PRUNE1: variants seen among roughly 807,000 people sequenced by gnomAD.
PRUNE1 encodes the protein exopolyphosphatase PRUNE1.
In PRUNE1, 25 loss-of-function variants were observed where a neutral mutation model predicts 42.5. The observed-to-expected ratio is 0.59, with a 90% CI of 0.43 to 0.82. The LOEUF (loss-of-function observed/expected upper bound fraction) is 0.82. Among genes scored for constraint, PRUNE1 ranks in the 40% least tolerant of loss-of-function variants. PRUNE1 has a pLI of 0.00. For synonymous variants in PRUNE1, 203 were observed against 217.1 expected (o/e 0.93, Z 0.57); for missense variants, 443 against 539.3 (o/e 0.82, Z 1.77).
chr1:151,008,749 C>T, intron 1 of PRUNE1, 78 bp downstream of exon 1: 1 of 1,551,032 alleles, frequency 6.4e-7, no homozygotes, highest in Non-Finnish European at 8.9e-7. Context: ...TCTGGGGGAG[C>T]CTCGACGGTC....
At position 151,008,518 on chromosome 1, in the gene PRUNE1, T is replaced by C; in HGVS notation, c.-115T>C. On this transcript the variant is annotated 5_prime_UTR_variant, in exon 1 of 8. Transcript: ENST00000271620. ...TGTGGCGGGTTCGAGTCCCGCCTCC[T>C]GACTCTGGCCTCTAGTCCCTGAGTC... is the stretch of plus-strand genomic sequence containing the variant. The C allele has an allele frequency of 7.2e-7, 1 of 1,388,906 alleles. No individual in the cohort carries two copies. The highest frequency in any genetic ancestry group is 1.0e-6 in the Non-Finnish European group (1 of 978,360). The allele number at this position is 1,388,906 out of a possible 1,614,324, so 86.0% of individuals were successfully genotyped here.
Position 151,024,757 on chromosome 1 carries a change from C to G in PRUNE1, c.482C>G (p.Pro161Arg). ...ACCGAGAGAATCCTGCAGGGGGCAC[C>G]AGAGATCTTGGACAGGCAAACTGCA... is the stretch of plus-strand genomic sequence containing the variant. ...LVTERILQGA[P>R]EILDRQTAAL... The change falls in exon 4 of 8, where the codon CCA becomes CGA. Residue 161 changes from proline to arginine, a missense_variant. Transcript: ENST00000271620. The G allele has an allele frequency of 6.2e-7, 1 of 1,613,896 alleles. No individual in the cohort carries two copies. The highest frequency in any genetic ancestry group is 1.3e-5 in the African/African-American group (1 of 75,004).
intron 7 of PRUNE1, among the ~76,000 whole-genome samples, chr1:151,030,816 G>A (rs587715762): frequency 1.8e-4 from 28 of 152,264 alleles, no homozygotes; most frequent in South Asian, 6.2e-4. Flanking sequence ...TCAGGTAGAT[G>A]TGCTTTTCTG....
Position 151,008,457 on chromosome 1 carries a change from A to C in PRUNE1, c.-176A>C. 1 of 1,096,666 alleles carries C rather than the reference A, an allele frequency of 9.1e-7. No individual in the cohort carries two copies. The highest frequency in any genetic ancestry group is 1.3e-6 in the Non-Finnish European group (1 of 749,728). The allele number at this position is 1,096,666 out of a possible 1,614,324, so 67.9% of individuals were successfully genotyped here. ...ACGCCGGACTCCGGAGCGCCCGCTT[A>C]CGCAGTTCCTCCCGGGGTCGGAGGC... On this transcript the variant is annotated 5_prime_UTR_variant, in exon 1 of 8. Coordinates refer to ENST00000271620, the MANE Select transcript of PRUNE1 (RefSeq NM_021222.3).
intron 3 of PRUNE1, among the ~76,000 whole-genome samples, chr1:151,020,243 T>A (rs1429875623): frequency 6.8e-6 from 1 of 147,914 alleles, no homozygotes; most frequent in Non-Finnish European, 1.5e-5. Context: ...TAAAAAAAAA[T>A]AATAAATACA....
intron 1 of PRUNE1, among the ~76,000 whole-genome samples, chr1:151,013,082 G>C (rs1421134851): frequency 6.6e-6 from 1 of 152,122 alleles, no homozygotes; most frequent in Non-Finnish European, 1.5e-5. Flanking sequence ...TTTTATATGA[G>C]GAAAATGAGG....
chr1:151,023,035 T>C (rs1266526508), intron 3 of PRUNE1, among the ~76,000 whole-genome samples: 2 of 152,004 alleles, frequency 1.3e-5, no homozygotes, highest in Non-Finnish European at 2.9e-5. Flanking sequence ...AGCATAAAAT[T>C]TGAGGGAGAA....
chr1:151,017,932 T>C (rs1447908163), intron 2 of PRUNE1, 28 bp downstream of exon 2: 2 of 1,455,414 alleles, frequency 1.4e-6, no homozygotes, highest in African/African-American at 2.8e-5. Context: ...GTACCTAGGA[T>C]CTGAGTCCCT....
Position 151,034,143 on chromosome 1 carries a change from G to A in PRUNE1, c.1271G>A (p.Gly424Glu). 6.2e-7 allele frequency: 1 copy of A among 1,614,142 alleles called. No individual in the cohort carries two copies. The change falls in exon 8 of 8, where the codon GGG becomes GAG. Residue 424 changes from glycine (G) to glutamate (E), a missense_variant. By Grantham distance (98) the Gly-to-Glu change is moderately conservative. Transcript: ENST00000271620. Reference protein sequence around the residue: ...SLVDECPLDQGLPKLSAEAVF... With the variant: ...SLVDECPLDQELPKLSAEAVF... ...GTGGATGAGTGCCCTCTAGATCAGG[G>A]GCTGCCTAAACTCTCTGCTGAGGCC...
At chr1:151,030,479 A>T (rs1675176453) in intron 7 of PRUNE1, among the ~76,000 whole-genome samples, 1 of 151,914 alleles carries the variant, frequency 6.6e-6, no homozygotes, top group African/African-American at 2.4e-5. Context: ...TATGAAAAGA[A>T]CTGCAGTTTT....
At chr1:151,029,517 G>T (rs910364144) in intron 7 of PRUNE1, among the ~76,000 whole-genome samples, 2 of 151,466 alleles carry the variant, frequency 1.3e-5, no homozygotes, top group African/African-American at 4.8e-5. Flanking sequence ...ACAGGCGCCC[G>T]CCACCACGCC....
Position 151,024,700 on chromosome 1 carries a change from T to G in PRUNE1, c.425T>G (p.Val142Gly). The G allele has an allele frequency of 6.2e-7, 1 of 1,614,112 alleles. No individual in the cohort carries two copies. Among genetic ancestry groups the G allele is most frequent in the Non-Finnish European group, 8.5e-7 (1 of 1,179,996 alleles). ...PKHCPPCHVS[V>G]ELVGSCATLV... ...CACTGCCCTCCCTGCCATGTTTCAG[T>G]TGAGCTGGTGGGGTCCTGTGCTACC... Residue 142 changes from valine (V) to glycine (G), a missense_variant, in exon 4 of 8, where the codon GTT (valine) becomes GGT (glycine). Coordinates refer to ENST00000271620, the MANE Select transcript of PRUNE1 (RefSeq NM_021222.3).
chr1:151,026,383 G>A (rs755631149), intron 5 of PRUNE1, among the ~76,000 whole-genome samples: 3 of 151,830 alleles, frequency 2.0e-5, no homozygotes, highest in Non-Finnish European at 4.4e-5. Flanking sequence ...GCTTGAACCC[G>A]GGAAGTGGAG....
intron 7 of PRUNE1, among the ~76,000 whole-genome samples, chr1:151,032,308 C>T (rs147042690): frequency 0.01 from 1,527 of 151,546 alleles, 37 homozygotes; most frequent in East Asian, 0.055. Flanking sequence ...CCAGCACTTT[C>T]GGAGGCTGAA....
intron 4 of PRUNE1, 91 bp downstream of exon 4, chr1:151,024,886 C>T: frequency 7.5e-7 from 1 of 1,325,908 alleles, no homozygotes; most frequent in South Asian, 1.4e-5. Context: ...CCAGCCTAAC[C>T]ATATGCTCTC....
chr1:151,027,160 G>A, intron 5 of PRUNE1, 73 bp from the exon 6 acceptor site: 2 of 1,031,592 alleles, frequency 1.9e-6, no homozygotes, highest in Non-Finnish European at 3.0e-6. Context: ...GACCCATCTG[G>A]CTGTCCTTGC....
At chr1:151,032,505 G>A (rs1343589485) in intron 7 of PRUNE1, among the ~76,000 whole-genome samples, 1 of 151,958 alleles carries the variant, frequency 6.6e-6, no homozygotes, top group Non-Finnish European at 1.5e-5. Flanking sequence ...CCTGAGGGCA[G>A]GAGTTCGAGA....
At chr1:151,032,542 C>T (rs587748082) in intron 7 of PRUNE1, among the ~76,000 whole-genome samples, 4 of 151,968 alleles carry the variant, frequency 2.6e-5, no homozygotes, top group African/African-American at 4.8e-5. Context: ...GGTGTAACCC[C>T]GTCTCCACTA....
At chr1:151,025,742 A>G in intron 5 of PRUNE1, 69 bp downstream of exon 5, 2 of 1,397,410 alleles carry the variant, frequency 1.4e-6, no homozygotes, top group Non-Finnish European at 1.9e-6. Context: ...TGTTCATTAT[A>G]TTATTTTTTT....
Sources: gnomAD v4.1 joint callset for allele counts (sites outside exome capture counted in the v4.1 genomes callset) on GRCh38, gnomAD v4.1.1 for gene constraint, MANE v1.5 for transcripts, NCBI Gene and HGNC (gene_info 2026-07-23, HGNC 2026-07-21) for gene names.